HIPK2: variants seen among roughly 807,000 people sequenced by gnomAD.
HIPK2 encodes the protein homeodomain interacting protein kinase 2.
Under a neutral mutation model 113.7 loss-of-function variants are expected in HIPK2, and 27 were observed. The ratio of observed to expected loss-of-function variants is 0.24; its 90% CI spans 0.17 to 0.33. The LOEUF (loss-of-function observed/expected upper bound fraction) is 0.33, where lower values mean the gene tolerates loss of function less well. Among genes scored for constraint, HIPK2 ranks in the 10% least tolerant of loss-of-function variants. HIPK2 has a pLI of 1.00. For missense variants in HIPK2, 1,257 were observed against 1,588.0 expected, an observed-to-expected ratio of 0.79 and a Z score of 3.54; for synonymous variants, 631 against 642.2, an observed-to-expected ratio of 0.98 and a Z score of 0.26.
chr7:139,641,413 C>T (rs978183909), intron 2 of HIPK2, among the ~76,000 whole-genome samples: 1 of 151,904 alleles, frequency 6.6e-6, no homozygotes, highest in Non-Finnish European at 1.5e-5. Flanking sequence ...CCACAATCCT[C>T]TTGCTTCTTC....
At chr7:139,661,807 C>G (rs558379173) in intron 2 of HIPK2, among the ~76,000 whole-genome samples, 6 of 152,198 alleles carry the variant, frequency 3.9e-5, no homozygotes, top group Non-Finnish European at 7.3e-5. Flanking sequence ...GCAGGCTGGA[C>G]AAGCTTGCTC....
chr7:139,701,694 A>T (rs1794714051), intron 2 of HIPK2, among the ~76,000 whole-genome samples: 1 of 152,184 alleles, frequency 6.6e-6, no homozygotes, highest in African/African-American at 2.4e-5. Context: ...TTCTTTGGGG[A>T]TCAAATGGAT....
chr7:139,719,705 GTTC>G (rs1795351798), intron 1 of HIPK2, among the ~76,000 whole-genome samples: 1 of 152,156 alleles, frequency 6.6e-6, no homozygotes, highest in Admixed American at 6.5e-5. Context: ...AACTATGATG[GTTC>G]TTCTTTACAT....
chr7:139,731,608 GT>G (rs1409426864), intron 1 of HIPK2, among the ~76,000 whole-genome samples: 1 of 152,154 alleles, frequency 6.6e-6, no homozygotes, highest in Non-Finnish European at 1.5e-5. Context: ...TCATGTTTAT[GT>G]ATTTCTTTGA....
chr7:139,577,418 C>T (rs1462481961), intron 13 of HIPK2, among the ~76,000 whole-genome samples: 1 of 152,116 alleles, frequency 6.6e-6, no homozygotes, highest in African/African-American at 2.4e-5. Flanking sequence ...TCCCAAAGTG[C>T]TGGGATTACA....
intron 1 of HIPK2, among the ~76,000 whole-genome samples, chr7:139,752,114 T>C (rs1796288100): frequency 1.3e-5 from 2 of 152,230 alleles, no homozygotes; most frequent in East Asian, 1.9e-4. Flanking sequence ...CTTGCTTTTC[T>C]CTAAATACCT....
At chr7:139,746,019 G>A (rs935765562) in intron 1 of HIPK2, among the ~76,000 whole-genome samples, 11 of 152,108 alleles carry the variant, frequency 7.2e-5, no homozygotes, top group African/African-American at 2.7e-4. Context: ...GAGCAGATGG[G>A]GCTGTGAGCC....
intron 1 of HIPK2, among the ~76,000 whole-genome samples, chr7:139,770,583 C>T (rs2117173946): frequency 6.6e-6 from 1 of 152,322 alleles, no homozygotes; most frequent in Non-Finnish European, 1.5e-5. Context: ...GCCAGAAGTG[C>T]TTTCGTAGTC....
intron 2 of HIPK2, among the ~76,000 whole-genome samples, chr7:139,645,701 C>T (rs1380330600): frequency 1.3e-5 from 2 of 152,140 alleles, no homozygotes; most frequent in African/African-American, 4.8e-5. Flanking sequence ...GCCTTGCTCT[C>T]TGGAGACGTG....
At chr7:139,648,757 G>A (rs1188333946) in intron 2 of HIPK2, among the ~76,000 whole-genome samples, 1 of 151,986 alleles carries the variant, frequency 6.6e-6, no homozygotes, top group Non-Finnish European at 1.5e-5. Context: ...GGCAGTGGAG[G>A]GCGGAGCAGA....
rs372545793 is a variant in HIPK2, at chr7:139,573,272, G to A, written c.3252C>T (p.His1084=). 3.6e-5 allele frequency: 57 copies of A among 1,604,676 alleles called. No homozygotes were observed. The highest frequency in any genetic ancestry group is 4.6e-5 in the Non-Finnish European group (54 of 1,179,766). ...CGGCAGCGGCTGCAGCCAGATGCGG[G>A]TGCACAGTGCCGTGGCTGGGGCTGT... ...PHNSPSHGTV[H]PHLAAAAAAA... The change falls in exon 15 of 15, where the codon CAC becomes CAT. Residue 1084 remains histidine, a synonymous_variant. Coordinates refer to ENST00000406875, the MANE Select transcript of HIPK2 (RefSeq NM_022740.5).
At chr7:139,703,172 T>C (rs1285479542) in intron 2 of HIPK2, among the ~76,000 whole-genome samples, 8 of 152,148 alleles carry the variant, frequency 5.3e-5, no homozygotes, top group Non-Finnish European at 1.0e-4. Flanking sequence ...TAGGGGTAAA[T>C]AGATTTAAAA....
intron 2 of HIPK2, among the ~76,000 whole-genome samples, chr7:139,651,003 G>T (rs973642895): frequency 1.3e-5 from 2 of 152,258 alleles, no homozygotes; most frequent in Admixed American, 6.5e-5. Context: ...AATGTTTATT[G>T]TGTCAGCCAC....
intron 1 of HIPK2, among the ~76,000 whole-genome samples, chr7:139,757,855 T>G (rs1796387757): frequency 6.6e-6 from 1 of 152,124 alleles, no homozygotes; most frequent in Non-Finnish European, 1.5e-5. Context: ...GAATTATATC[T>G]CAATAAAGCT....
At chr7:139,762,266 T>C (rs2117146356) in intron 1 of HIPK2, among the ~76,000 whole-genome samples, 1 of 152,322 alleles carries the variant, frequency 6.6e-6, no homozygotes, top group East Asian at 1.9e-4. Flanking sequence ...GGCAACACTG[T>C]AGAAAGAACA....
intron 1 of HIPK2, among the ~76,000 whole-genome samples, chr7:139,772,198 C>A (rs10257315): frequency 6.6e-6 from 1 of 151,950 alleles, no homozygotes; most frequent in African/African-American, 2.4e-5. Flanking sequence ...CTGAATGCTT[C>A]GGAGTGACAG....
chr7:139,572,933 G>T lies in HIPK2; in HGVS notation c.3591C>A (p.Tyr1197Ter), dbSNP rs761776719. 5 of 523,864 alleles carry T rather than the reference G, an allele frequency of 9.5e-6. No individual in the cohort carries two copies. Among genetic ancestry groups the T allele is most frequent in the Non-Finnish European group, 1.4e-5 (4 of 295,902 alleles). The allele number at this position is 523,864 out of a possible 1,614,324, so 32.5% of individuals were successfully genotyped here. ...LSPAKVNQYP[Y>*]I is the part of the protein sequence containing the mutation. ...CCTCCCTCCCCTCCAGTGTTTATATGTAAGGGTACTGGTTGACCTTGGCGG... is the reference window on the plus strand; with the variant it reads ...CCTCCCTCCCCTCCAGTGTTTATATTTAAGGGTACTGGTTGACCTTGGCGG... Residue 1197 changes from tyrosine (Y) to a stop codon, truncating the protein, a stop_gained, in exon 15 of 15, where the codon TAC becomes TAA. Coordinates refer to ENST00000406875, the MANE Select transcript of HIPK2 (RefSeq NM_022740.5). LOFTEE classifies it high-confidence loss of function.
At chr7:139,666,748 T>G (rs908792080) in intron 2 of HIPK2, among the ~76,000 whole-genome samples, 1 of 152,098 alleles carries the variant, frequency 6.6e-6, no homozygotes, top group Admixed American at 6.6e-5. Flanking sequence ...CGTAACAACA[T>G]GAAGAAAACA....
At position 139,716,454 on chromosome 7, in the gene HIPK2, G is replaced by T; in HGVS notation, c.581C>A (p.Ser194Tyr). 1 of 1,613,964 alleles carries T rather than the reference G, an allele frequency of 6.2e-7. No homozygotes were observed. Among genetic ancestry groups the T allele is most frequent in the Non-Finnish European group, 8.5e-7 (1 of 1,179,878 alleles). Residue 194 changes from serine (S) to tyrosine (Y), a missense_variant, in exon 2 of 15, where the codon TCC becomes TAC. By Grantham distance (144) the Ser-to-Tyr change is moderately radical. Coordinates refer to ENST00000406875, the MANE Select transcript of HIPK2 (RefSeq NM_022740.5). This position sits in a 1 kb window ranked among gnomAD's most constrained non-coding sequence, Gnocchi z 9.3. ...TAAGACCTCGTAGGTGTTGGTCATG[G>T]AGCACAGCACCTCATGCTGCACCAG... ...YQLVQHEVLC[S>Y]MTNTYEVLEF...
Sources: gnomAD v4.1 joint callset for allele counts (sites outside exome capture counted in the v4.1 genomes callset) on GRCh38, gnomAD v4.1.1 for gene constraint, Gnocchi (gnomAD v3.1) non-coding constraint, MANE v1.5 for transcripts, NCBI Gene and HGNC (gene_info 2026-07-23, HGNC 2026-07-21) for gene names.